FHIT: variants seen among roughly 807,000 people sequenced by gnomAD.
FHIT encodes bis(5'-adenosyl)-triphosphatase.
In FHIT, 19 loss-of-function variants were observed where a neutral mutation model predicts 17.9. The observed-to-expected ratio is 1.06, with a 90% confidence interval of 0.74 to 1.56. The LOEUF (loss-of-function observed/expected upper bound fraction) is 1.56, where lower values mean the gene tolerates loss of function less well. Among genes scored for constraint, FHIT ranks in the 40% most tolerant of loss-of-function variants. The pLI, the probability that FHIT is intolerant of heterozygous loss-of-function variation, is 0.00. For synonymous variants in FHIT, 81 were observed against 69.7 expected (o/e 1.16, Z -0.81); for missense variants, 248 against 189.2 (o/e 1.31, Z -1.82).
At chr3:59,953,147 C>CCCTTA (rs905983024) in intron 7 of FHIT, among the ~76,000 whole-genome samples, 1 of 151,808 alleles carries the variant, frequency 6.6e-6, no homozygotes, top group African/African-American at 2.4e-5. Context: ...TACTGTGTTT[C>CCCTTA]CATGTGTGTA....
intron 2 of FHIT, among the ~76,000 whole-genome samples, chr3:61,179,265 C>G (rs1171804138): frequency 6.6e-6 from 1 of 151,478 alleles, no homozygotes; most frequent in African/African-American, 2.4e-5. Flanking sequence ...ACCTCGGCCT[C>G]CCGAAGTGCT....
intron 3 of FHIT, among the ~76,000 whole-genome samples, chr3:60,917,830 G>A (rs573945715): frequency 3.9e-4 from 59 of 152,246 alleles, no homozygotes; most frequent in Non-Finnish European, 7.2e-4. Flanking sequence ...TGTTCATTCT[G>A]TATATCCCCT....
intron 1 of FHIT, among the ~76,000 whole-genome samples, chr3:61,210,728 G>C (rs964857876): frequency 2.6e-5 from 4 of 152,052 alleles, no homozygotes; most frequent in South Asian, 2.1e-4. Flanking sequence ...ACTAGGAAAG[G>C]GAATTCACTG....
chr3:60,121,606 C>T (rs7636422), intron 5 of FHIT, among the ~76,000 whole-genome samples: 72,940 of 151,448 alleles, frequency 0.48, 18,098 homozygotes, highest in African/African-American at 0.56. Flanking sequence ...ATCCCTTGAA[C>T]CAAGGAGGCG....
intron 4 of FHIT, among the ~76,000 whole-genome samples, chr3:60,581,379 T>A (rs528070851): frequency 1.2e-4 from 19 of 152,266 alleles, no homozygotes; most frequent in Admixed American, 1.0e-3. Context: ...CTCTATCATA[T>A]GCTGTCTTGA....
intron 8 of FHIT, among the ~76,000 whole-genome samples, chr3:59,865,887 G>A (rs951426697): frequency 1.3e-5 from 2 of 152,174 alleles, no homozygotes; most frequent in East Asian, 1.9e-4. Context: ...CAGGAACGGG[G>A]AGAGAGAGCA....
chr3:59,814,039 T>TACACACACACAC (rs769333983), intron 8 of FHIT, among the ~76,000 whole-genome samples: 7 of 72,848 alleles, frequency 9.6e-5, no homozygotes, highest in Non-Finnish European at 1.4e-4. Context: ...TAAAAAAATT[T>TACACACACACAC]ACACATACAC....
intron 5 of FHIT, among the ~76,000 whole-genome samples, chr3:60,242,421 G>A (rs1022122775): frequency 6.6e-6 from 1 of 151,828 alleles, no homozygotes; most frequent in Non-Finnish European, 1.5e-5. Flanking sequence ...TTATTTTTCT[G>A]CAAAGTACAT....
intron 5 of FHIT, among the ~76,000 whole-genome samples, chr3:60,071,431 C>G (rs1431356488): frequency 2.0e-5 from 3 of 152,102 alleles, no homozygotes; most frequent in Non-Finnish European, 4.4e-5. Flanking sequence ...GCACTGCAAC[C>G]GTGTCTGTAT....
At chr3:60,371,579 T>C (rs1324764574) in intron 5 of FHIT, among the ~76,000 whole-genome samples, 2 of 152,156 alleles carry the variant, frequency 1.3e-5, no homozygotes, top group Admixed American at 6.5e-5. Flanking sequence ...GGCTCTTCTT[T>C]TTATTTTTCA....
chr3:60,988,863 T>C (rs182997216), intron 3 of FHIT, among the ~76,000 whole-genome samples: 3 of 136,288 alleles, frequency 2.2e-5, no homozygotes, highest in Admixed American at 8.4e-5. Flanking sequence ...TTAAATTCAA[T>C]GCACTGTGTA....
chr3:60,937,325 T>C (rs1708232488), intron 3 of FHIT, among the ~76,000 whole-genome samples: 1 of 152,190 alleles, frequency 6.6e-6, no homozygotes, highest in Non-Finnish European at 1.5e-5. Context: ...TATTTTCTCT[T>C]TAACGAAGTA....
At chr3:60,456,204 T>A (rs1226134195) in intron 5 of FHIT, among the ~76,000 whole-genome samples, 1 of 152,232 alleles carries the variant, frequency 6.6e-6, no homozygotes, top group Middle Eastern at 3.2e-3. Flanking sequence ...TTCACAAATA[T>A]TTTTAAAGTA....
At chr3:60,915,107 A>T (rs1479906570) in intron 3 of FHIT, among the ~76,000 whole-genome samples, 3 of 152,198 alleles carry the variant, frequency 2.0e-5, no homozygotes, top group African/African-American at 7.2e-5. Context: ...AGAGAGTGAA[A>T]TTTACAAGTT....
chr3:61,213,452 C>T (rs991165142), intron 1 of FHIT, among the ~76,000 whole-genome samples: 2 of 152,184 alleles, frequency 1.3e-5, no homozygotes, highest in African/African-American at 4.8e-5. Context: ...ACAAGTAGAG[C>T]TAACTATCCT....
chr3:60,113,808 T>G (rs1280868542), intron 5 of FHIT, among the ~76,000 whole-genome samples: 1 of 149,984 alleles, frequency 6.7e-6, no homozygotes. Flanking sequence ...GAGACCATCC[T>G]GGTTAACATG....
At chr3:59,990,505 C>T (rs554871223) in intron 7 of FHIT, among the ~76,000 whole-genome samples, 1 of 152,124 alleles carries the variant, frequency 6.6e-6, no homozygotes, top group African/African-American at 2.4e-5. Flanking sequence ...GAGGGGAACC[C>T]GCTCTCACCA....
intron 5 of FHIT, among the ~76,000 whole-genome samples, chr3:60,261,921 AG>A (rs1706325438): frequency 6.6e-6 from 1 of 152,158 alleles, no homozygotes; most frequent in East Asian, 1.9e-4. Context: ...CTGAACAAAC[AG>A]GCCTTCCCAA....
At chr3:59,979,230 T>C (rs1708544362) in intron 7 of FHIT, among the ~76,000 whole-genome samples, 1 of 152,134 alleles carries the variant, frequency 6.6e-6, no homozygotes, top group Admixed American at 6.6e-5. Flanking sequence ...ACCTTGGTCT[T>C]GTGGTCCTCA....
Sources: gnomAD v4.1 joint callset for allele counts (sites outside exome capture counted in the v4.1 genomes callset) on GRCh38, gnomAD v4.1.1 for gene constraint, MANE v1.5 for transcripts, NCBI Gene and HGNC (gene_info 2026-07-23, HGNC 2026-07-21) for gene names.